Variants in DLG1 observed in about 807,000 individuals in gnomAD.
The protein encoded by DLG1 is disks large homolog 1.
DLG1 carries 42 observed loss-of-function variants against 123.4 expected under a neutral mutation model. The observed-to-expected ratio is 0.34, with a 90% CI of 0.27 to 0.44. The LOEUF (loss-of-function observed/expected upper bound fraction) is 0.44. Ranked by LOEUF, DLG1 falls within the 20% of genes least tolerant of loss-of-function variation. The probability of loss-of-function intolerance (pLI) is 1.00; values close to 1 mark genes in which losing one functional copy is unlikely to be tolerated. For synonymous variants in DLG1, 317 were observed against 356.2 expected (o/e 0.89, Z 1.24); for missense variants, 942 against 1,082.6 (o/e 0.87, Z 1.82).
intron 22 of DLG1, among the ~76,000 whole-genome samples, chr3:197,064,458 G>C (rs887844035): frequency 1.3e-5 from 2 of 152,200 alleles, no homozygotes; most frequent in African/African-American, 4.8e-5. Flanking sequence ...CTCCCAAAGC[G>C]CTGGGATTAC....
At chr3:197,174,026 T>C (rs751781095) in intron 5 of DLG1, among the ~76,000 whole-genome samples, 8 of 152,112 alleles carry the variant, frequency 5.3e-5, no homozygotes, top group Non-Finnish European at 7.4e-5. Context: ...GAAATTGCAG[T>C]GGGCTGAGAT....
At chr3:197,179,259 AG>A (rs1437133055) in intron 5 of DLG1, among the ~76,000 whole-genome samples, 2 of 152,148 alleles carry the variant, frequency 1.3e-5, no homozygotes, top group African/African-American at 4.8e-5. Context: ...GGGGATGCTT[AG>A]GGGAGCTTGG....
chr3:197,268,415 C>G (rs1579046314), intron 4 of DLG1, among the ~76,000 whole-genome samples: 1 of 151,876 alleles, frequency 6.6e-6, no homozygotes, highest in African/African-American at 2.4e-5. Flanking sequence ...TGTTCCACTT[C>G]TCTTATAACA....
chr3:197,210,440 A>G (rs974210269), intron 4 of DLG1, among the ~76,000 whole-genome samples: 2 of 144,594 alleles, frequency 1.4e-5, no homozygotes, highest in Non-Finnish European at 3.1e-5. Context: ...AAAAAATGCA[A>G]GAGAGGTTAT....
chr3:197,296,588 G>C, intron 2 of DLG1, 111 bp from the exon 3 acceptor site: 1 of 874,650 alleles, frequency 1.1e-6, no homozygotes, highest in Non-Finnish European at 1.8e-6. Flanking sequence ...AATCCTTCAG[G>C]TCAATTGATG....
At chr3:197,188,697 A>G (rs1256637859) in intron 5 of DLG1, among the ~76,000 whole-genome samples, 1 of 152,200 alleles carries the variant, frequency 6.6e-6, no homozygotes, top group Non-Finnish European at 1.5e-5. Context: ...CCACAATACT[A>G]TAAAAGAGGA....
chr3:197,253,976 C>T (rs977194041), intron 4 of DLG1, among the ~76,000 whole-genome samples: 17 of 151,198 alleles, frequency 1.1e-4, no homozygotes, highest in African/African-American at 3.2e-4. Flanking sequence ...GAATCTAAAC[C>T]CCAAAGAAAG....
chr3:197,271,950 A>G (rs1339604929), intron 4 of DLG1, among the ~76,000 whole-genome samples: 2 of 152,206 alleles, frequency 1.3e-5, no homozygotes, highest in Non-Finnish European at 2.9e-5. Flanking sequence ...CTAAGAATAC[A>G]CAAAATGCAC....
intron 4 of DLG1, among the ~76,000 whole-genome samples, chr3:197,223,209 G>A (rs951207372): frequency 1.3e-5 from 2 of 151,948 alleles, no homozygotes; most frequent in East Asian, 1.9e-4. Flanking sequence ...GTTCTAACGC[G>A]AGACATGAGA....
At chr3:197,098,096 C>G (rs1029415900) in intron 14 of DLG1, among the ~76,000 whole-genome samples, 1 of 152,232 alleles carries the variant, frequency 6.6e-6, no homozygotes, top group Non-Finnish European at 1.5e-5. Context: ...CTCCCAAGCC[C>G]GTACGCTGTT....
At chr3:197,281,384 G>T (rs780786144) in intron 4 of DLG1, among the ~76,000 whole-genome samples, 1 of 152,086 alleles carries the variant, frequency 6.6e-6, no homozygotes, top group Non-Finnish European at 1.5e-5. Flanking sequence ...AAGGATGGAG[G>T]AGTCCTCATG....
chr3:197,100,021 G>A (rs1196069608), intron 14 of DLG1, among the ~76,000 whole-genome samples: 1 of 152,208 alleles, frequency 6.6e-6, no homozygotes. Context: ...AACAGCACGT[G>A]CGTAAGTGGA....
chr3:197,134,043 A>G (rs1332369454), intron 10 of DLG1, among the ~76,000 whole-genome samples: 2 of 152,222 alleles, frequency 1.3e-5, no homozygotes, highest in Non-Finnish European at 2.9e-5. Flanking sequence ...AAAACATGGT[A>G]GCCAAGAAAT....
In DLG1 at chr3:197,154,867, A is replaced by C. The variant is rs1200812442; in HGVS notation, c.484-5071T>G. On this transcript the variant is annotated intron_variant, in intron 5 of 24. Transcript: ENST00000667157. ...AAAGTAGTGAACATGAGATAGGACA[A>C]GGGAAAGTACTGAGTCTGAAGAACA... 6.6e-5 allele frequency among the ~76,000 whole-genome samples: 10 copies of C among 152,270 alleles called. 1 individual carries two copies. Among genetic ancestry groups the C allele is most frequent in the Admixed American group, 6.5e-4 (10 of 15,300 alleles).
At chr3:197,224,781 A>C (rs1397762181) in intron 4 of DLG1, among the ~76,000 whole-genome samples, 1 of 152,216 alleles carries the variant, frequency 6.6e-6, no homozygotes, top group Non-Finnish European at 1.5e-5. Context: ...AGCCTAATTT[A>C]ATCAGCTAGC....
Position 197,213,274 on chromosome 3 carries a change from A to T in DLG1, c.319-18685T>A, listed in dbSNP as rs116345692. 1.6e-3 allele frequency among the ~76,000 whole-genome samples: 241 copies of T among 151,980 alleles called. 2 individuals carry two copies. Among genetic ancestry groups the T allele is most frequent in the African/African-American group, 5.6e-3 (231 of 41,560 alleles). ...ACACAAACAACCTCAATGAATCTCAAAAGCATTATTAGGAGCTTTTTTTTA... is the reference window on the plus strand; with the variant it reads ...ACACAAACAACCTCAATGAATCTCATAAGCATTATTAGGAGCTTTTTTTTA... On this transcript the variant is annotated intron_variant, in intron 4 of 24. Coordinates refer to ENST00000667157, the MANE Select transcript of DLG1 (RefSeq NM_001366207.1).
intron 4 of DLG1, among the ~76,000 whole-genome samples, chr3:197,194,909 A>G (rs9868546): frequency 0.74 from 111,734 of 151,946 alleles, 41,183 homozygotes; most frequent in East Asian, 0.82. Flanking sequence ...TGGAAAAGCC[A>G]AAGTTAGGCA....
intron 4 of DLG1, among the ~76,000 whole-genome samples, chr3:197,235,473 G>A (rs1389493112): frequency 6.6e-6 from 1 of 152,172 alleles, no homozygotes; most frequent in Non-Finnish European, 1.5e-5. Context: ...AAGCTGAGGA[G>A]TGTTCAAACT....
intron 24 of DLG1, among the ~76,000 whole-genome samples, chr3:197,046,869 C>G (rs1190391605): frequency 7.0e-6 from 1 of 143,796 alleles, no homozygotes. Flanking sequence ...GACCCTGGCT[C>G]AAAAAAAAAC....
Sources: allele counts gnomAD v4.1 joint callset (sites outside exome capture counted in the v4.1 genomes callset), GRCh38; gene constraint gnomAD v4.1.1; transcripts MANE v1.5; gene names NCBI Gene and HGNC (gene_info 2026-07-23, HGNC 2026-07-21).